The following ENTPD1 variants were observed in gnomAD, a reference collection of about 807,000 sequenced individuals.
ENTPD1 encodes the protein ATP diphosphohydrolase.
ENTPD1 carries 33 observed loss-of-function variants against 57.0 expected under a neutral mutation model. The observed-to-expected ratio is 0.58, with a 90% CI of 0.44 to 0.77. The LOEUF (loss-of-function observed/expected upper bound fraction) is 0.77. Ranked by LOEUF, ENTPD1 falls within the 30% of genes least tolerant of loss-of-function variation. The pLI is 0.00. For missense variants in ENTPD1, 501 were observed against 603.4 expected, an observed-to-expected ratio of 0.83 and a Z score of 1.78; for synonymous variants, 202 against 218.8, an observed-to-expected ratio of 0.92 and a Z score of 0.68.
intron 1 of ENTPD1, among the ~76,000 whole-genome samples, chr10:95,757,103 T>A (rs1311965921): frequency 6.6e-6 from 1 of 152,202 alleles, no homozygotes; most frequent in African/African-American, 2.4e-5. Context: ...CTCCTCCTTC[T>A]TTATCATCTC....
chr10:95,710,670 G>A (rs1350720699), upstream of ENTPD1, among the ~76,000 whole-genome samples: 1 of 152,020 alleles, frequency 6.6e-6, no homozygotes, highest in Non-Finnish European at 1.5e-5. Flanking sequence ...TAATAACAAG[G>A]GAAGTAGTAT....
At chr10:95,823,441 A>G in intron 2 of ENTPD1, 77 bp downstream of exon 2, 5 of 1,603,370 alleles carry the variant, frequency 3.1e-6, no homozygotes, top group Non-Finnish European at 4.3e-6. Flanking sequence ...GGGATAAGGT[A>G]TGTAGAGCAT....
chr10:95,709,829 C>T (rs1488476637), upstream of ENTPD1, among the ~76,000 whole-genome samples: 1 of 151,902 alleles, frequency 6.6e-6, no homozygotes, highest in Non-Finnish European at 1.5e-5. Context: ...GCAGTGGTGC[C>T]ATCTCAGATC....
intron 1 of ENTPD1, among the ~76,000 whole-genome samples, chr10:95,806,696 G>A (rs1250860232): frequency 6.6e-6 from 1 of 152,192 alleles, no homozygotes; most frequent in Non-Finnish European, 1.5e-5. Flanking sequence ...TTTTGTTGAT[G>A]TTGATGCTAT....
intron 7 of ENTPD1, 71 bp downstream of exon 7, chr10:95,847,777 T>C (rs2098438276): frequency 6.2e-7 from 1 of 1,605,726 alleles, no homozygotes; most frequent in Non-Finnish European, 8.5e-7. Context: ...TACAAAAGAT[T>C]TAAATAATAG....
chr10:95,803,607 C>G (rs1014267401), intron 1 of ENTPD1, among the ~76,000 whole-genome samples: 23 of 152,168 alleles, frequency 1.5e-4, no homozygotes, highest in African/African-American at 5.6e-4. Context: ...AATATTAGCT[C>G]TTTGTCAGAT....
In ENTPD1 at chr10:95,756,339, C is replaced by T. The variant is rs907275870; in HGVS notation, c.16+84C>T. On this transcript the variant is annotated intron_variant, in intron 1 of 9. Transcript: ENST00000371205. Reference sequence around the variant, plus strand: ...AAAAGCCCAGACCAAAAAGCAAGTACTTGAAAGCTGGAGGCAAAAAGCCCT... The same window carrying T: ...AAAAGCCCAGACCAAAAAGCAAGTATTTGAAAGCTGGAGGCAAAAAGCCCT... 7.6e-6 allele frequency: 11 copies of T among 1,443,044 alleles called. No individual in the cohort carries two copies. The African/African-American group carries it at 1.6e-4, about 21-fold the overall frequency. The allele number at this position is 1,443,044 out of a possible 1,614,324, so 89.4% of individuals were successfully genotyped here.
In ENTPD1 at chr10:95,842,430, C is replaced by T; in HGVS notation, c.349C>T (p.Pro117Ser). The T allele has an allele frequency of 6.2e-7, 1 of 1,614,000 alleles. No homozygotes were observed. Residue 117 changes from proline to serine, a missense_variant, in exon 4 of 10, where the codon CCA (proline) becomes TCA (serine). Coordinates refer to ENST00000371205, the MANE Select transcript of ENTPD1 (RefSeq NM_001776.6). Reference sequence around the variant, plus strand: ...CATGGAAAGAGCTAGGGAAGTGATTCCAAGGTCCCAGCACCAAGAGACACC... The same window carrying T: ...CATGGAAAGAGCTAGGGAAGTGATTTCAAGGTCCCAGCACCAAGAGACACC... ...DCMERAREVI[P>S]RSQHQETPVY...
rs2141044075 is a variant in ENTPD1, at chr10:95,876,570, T to G, written c.*10187T>G. Reference sequence around the variant, plus strand: ...CTTGGAGTACTCATGAAGATGGAAGTCTACATGGAGAATACAGGATGAATC... The same window carrying G: ...CTTGGAGTACTCATGAAGATGGAAGGCTACATGGAGAATACAGGATGAATC... On this transcript the variant is annotated 3_prime_UTR_variant, in exon 10 of 10. Coordinates refer to ENST00000371205, the MANE Select transcript of ENTPD1 (RefSeq NM_001776.6). 8.1e-7 allele frequency: 1 copy of G among 1,231,024 alleles called. No individual in the cohort carries two copies. Among genetic ancestry groups the G allele is most frequent in the South Asian group, 4.1e-5 (1 of 24,250 alleles). The allele number at this position is 1,231,024 out of a possible 1,614,324, so 76.3% of individuals were successfully genotyped here.
intron 1 of ENTPD1, among the ~76,000 whole-genome samples, chr10:95,736,422 T>C (rs972826908): frequency 2.0e-5 from 3 of 152,182 alleles, no homozygotes; most frequent in Non-Finnish European, 4.4e-5. Context: ...AAAATGTTTA[T>C]TAAAATGTTT....
chr10:95,795,851 G>T (rs531742834), intron 1 of ENTPD1, among the ~76,000 whole-genome samples: 3 of 152,298 alleles, frequency 2.0e-5, no homozygotes, highest in Admixed American at 2.0e-4. Flanking sequence ...GACCAGCTGA[G>T]TGTATATTTT....
In ENTPD1 at chr10:95,830,009, C is replaced by A. The variant is rs931083446; in HGVS notation, c.144+6645C>A. Among the ~76,000 whole-genome samples, 6 of 152,262 alleles carry A rather than the reference C, an allele frequency of 3.9e-5. No homozygotes were observed. In the East Asian group the frequency reaches 5.8e-4, roughly 15 times the overall value. On this transcript the variant is annotated intron_variant, in intron 2 of 9. Coordinates refer to ENST00000371205, the MANE Select transcript of ENTPD1 (RefSeq NM_001776.6). ...TGCCCTGTGCCACCTCGGGACTCTG[C>A]AGAGAGTCCCCACCAGCAAGAAGGC...
intron 8 of ENTPD1, among the ~76,000 whole-genome samples, 153 bp from the exon 9 acceptor site, chr10:95,864,571 A>G (rs2098470723): frequency 6.6e-6 from 1 of 152,186 alleles, no homozygotes; most frequent in Non-Finnish European, 1.5e-5. Context: ...GAAGGAGTGC[A>G]GCACCACCCC....
chr10:95,748,609 T>C (rs940874709), intron 1 of ENTPD1, among the ~76,000 whole-genome samples: 2 of 152,236 alleles, frequency 1.3e-5, no homozygotes, highest in Non-Finnish European at 2.9e-5. Context: ...GGAAAAATTA[T>C]AGCCACAATA....
In ENTPD1 at chr10:95,869,853, C is replaced by A. The variant is rs544002086; in HGVS notation, c.*3470C>A. The A allele has an allele frequency of 1.3e-6, 1 of 764,384 alleles. No homozygotes were observed. The highest frequency in any genetic ancestry group is 5.9e-5 in the South Asian group (1 of 16,856). 47.4% of individuals were successfully genotyped at this position (764,384 alleles called of 1,614,324 possible). On this transcript the variant is annotated 3_prime_UTR_variant, in exon 10 of 10. Coordinates refer to ENST00000371205, the MANE Select transcript of ENTPD1 (RefSeq NM_001776.6). ...TAATATTTTTCTCATACTAAATTTTCAAAATATTTTGTGTCTATTACATTT... is the reference window on the plus strand; with the variant it reads ...TAATATTTTTCTCATACTAAATTTTAAAAATATTTTGTGTCTATTACATTT...
upstream of ENTPD1, among the ~76,000 whole-genome samples, chr10:95,752,628 G>A (rs2098013900): frequency 6.6e-6 from 1 of 152,124 alleles, no homozygotes; most frequent in Admixed American, 6.5e-5. Context: ...TCGCGACATT[G>A]CACTCCAGCC....
At position 95,857,133 on chromosome 10, in the gene ENTPD1, G is replaced by A. The variant is rs147183171; in HGVS notation, c.1075-3336G>A. ...TCTGAGATGCCAGAGGGAGGCTTCT[G>A]AAGGTCATGGGAAATTTTTCAAGAG... On this transcript the variant is annotated intron_variant, in intron 7 of 9. Transcript: ENST00000371205. Among the ~76,000 whole-genome samples, 144 of 152,232 alleles carry A rather than the reference G, an allele frequency of 9.5e-4. 1 individual carries two copies. In the East Asian group the frequency reaches 0.025, roughly 27 times the overall value.
intron 2 of ENTPD1, among the ~76,000 whole-genome samples, chr10:95,838,583 T>C (rs1427645099): frequency 6.6e-6 from 1 of 152,198 alleles, no homozygotes; most frequent in East Asian, 1.9e-4. Flanking sequence ...TACATTGCAG[T>C]TCAAAAACAG....
intron 1 of ENTPD1, among the ~76,000 whole-genome samples, chr10:95,717,599 C>T (rs754285975): frequency 6.6e-6 from 1 of 152,116 alleles, no homozygotes; most frequent in Admixed American, 6.6e-5. Context: ...TTGCAAGCCC[C>T]GTGTTTAAAG....
Sources: allele counts gnomAD v4.1 joint callset (sites outside exome capture counted in the v4.1 genomes callset), GRCh38; gene constraint gnomAD v4.1.1; transcripts MANE v1.5; gene names NCBI Gene and HGNC (gene_info 2026-07-23, HGNC 2026-07-21).